Variants in IPO5 observed in about 807,000 individuals in gnomAD.
The protein encoded by IPO5 is importin 5.
Under a neutral mutation model 143.3 loss-of-function variants are expected in IPO5, and 18 were observed. That is an observed-to-expected ratio of 0.13 (90% CI 0.09 to 0.19). The LOEUF (loss-of-function observed/expected upper bound fraction) is 0.19, where lower values mean the gene tolerates loss of function less well. Ranked by LOEUF, IPO5 falls within the 10% of genes least tolerant of loss-of-function variation. The probability of loss-of-function intolerance (pLI) is 1.00; values close to 1 mark genes in which losing one functional copy is unlikely to be tolerated. For missense variants in IPO5, 1,013 were observed against 1,336.9 expected (o/e 0.76, Z 3.78); for synonymous variants, 477 against 465.7 (o/e 1.02, Z -0.31).
Position 97,985,490 on chromosome 13 carries a change from C to T in IPO5, c.241C>T (p.Leu81Phe), listed in dbSNP as rs1887259226. ...TGCATTTGATGAAGTCTATCCAGCA[C>T]TTCCCTCTGATGTTCAGACTGCCAT... ...SSAFDEVYPALPSDVQTAIKS... is the reference protein window; with the variant it reads ...SSAFDEVYPAFPSDVQTAIKS... The change falls in exon 6 of 29, where the codon CTT becomes TTT. Residue 81 changes from leucine to phenylalanine, a missense_variant. Around this residue, in one of 2 missense-constraint regions of IPO5, gnomAD observed 328 missense variants for 342.0 expected, o/e 0.96. Transcript: ENST00000651721. The T allele has an allele frequency of 6.2e-7, 1 of 1,613,968 alleles. No homozygotes were observed. The highest frequency in any genetic ancestry group is 8.5e-7 in the Non-Finnish European group (1 of 1,179,970).
chr13:97,999,862 G>C (rs1888613789), intron 12 of IPO5, among the ~76,000 whole-genome samples: 2 of 152,170 alleles, frequency 1.3e-5, no homozygotes. Context: ...TGATAGGTTT[G>C]AAGACTGTAT....
intron 21 of IPO5, among the ~76,000 whole-genome samples, chr13:98,012,834 T>G (rs1184879557): frequency 4.4e-5 from 6 of 135,814 alleles, no homozygotes; most frequent in Admixed American, 1.6e-4. Flanking sequence ...TTTTAAGAGA[T>G]AAGGTCTGCC....
intron 16 of IPO5, among the ~76,000 whole-genome samples, chr13:98,003,828 CAA>C (rs762803753): frequency 5.7e-4 from 85 of 149,616 alleles, no homozygotes; most frequent in Non-Finnish European, 1.2e-3. Flanking sequence ...ACCTGGGCAA[CAA>C]GAGCAAAATT....
chr13:98,021,041 T>G lies in IPO5; in HGVS notation c.3115T>G (p.Phe1039Val). The G allele has an allele frequency of 1.9e-6, 3 of 1,611,126 alleles. No individual in the cohort carries two copies. The highest frequency in any genetic ancestry group is 2.5e-6 in the Non-Finnish European group (3 of 1,178,856). Residue 1039 changes from phenylalanine (F) to valine (V), a missense_variant, in exon 28 of 29, where the codon TTT becomes GTT. By Grantham distance (50) the Phe-to-Val change is conservative. Transcript: ENST00000651721. ...GPNNTNLPKI[F>V]SIIAEGEMHE... ...AAACAATACCAATCTGCCCAAAATA[T>G]TTAGTATAATTGCGGAAGGAGAAAT...
chr13:98,002,431 T>G (rs1888884845), intron 13 of IPO5, 36 bp from the exon 14 acceptor site: 3 of 1,604,956 alleles, frequency 1.9e-6, no homozygotes, highest in South Asian at 1.1e-5. Context: ...GTTTATAGTG[T>G]GTAATTGCTA....
chr13:98,019,532 C>A, intron 26 of IPO5, 49 bp from the exon 27 acceptor site: 1 of 1,223,982 alleles, frequency 8.2e-7, no homozygotes, highest in Non-Finnish European at 1.2e-6. Context: ...TATTCATTTG[C>A]ATGAAAATGT....
intron 5 of IPO5, among the ~76,000 whole-genome samples, chr13:97,983,440 A>G (rs1171848585): frequency 6.6e-6 from 1 of 151,882 alleles, no homozygotes; most frequent in Admixed American, 6.6e-5. Flanking sequence ...AATTTGTTTT[A>G]ATTTTAAGAA....
At position 98,006,226 on chromosome 13, in the gene IPO5, G is replaced by C. The variant is rs746570558; in HGVS notation, c.1594G>C (p.Asp532His). 1.2e-6 allele frequency: 2 copies of C among 1,613,632 alleles called. No individual in the cohort carries two copies. Among genetic ancestry groups the C allele is most frequent in the East Asian group, 2.2e-5 (1 of 44,868 alleles). The change falls in exon 17 of 29, where the codon GAT becomes CAT. Residue 532 changes from aspartate to histidine, a missense_variant. Asp to His is a moderately conservative substitution (Grantham distance 81, BLOSUM62 -1). Transcript: ENST00000651721. ...AGAAGAAAAATTTGTCCCCTACTAT[G>C]ATTTATTTATGCCATCACTGAAGCA... ...TAEEKFVPYY[D>H]LFMPSLKHIV...
rs768881287 is a variant in IPO5 at position 97,990,522 on chromosome 13, A to G, written c.654A>G (p.Leu218=). ...TGTTCAAACATTTTGCAGACTTGCT[A>G]CCGGGATTCCTACAGGTATGAAAGC... is the stretch of plus-strand genomic sequence containing the variant. ...VALFKHFADL[L]PGFLQAVNDS... Residue 218 remains leucine, a synonymous_variant, in exon 9 of 29, where the codon CTA becomes CTG. Coordinates refer to ENST00000651721, the MANE Select transcript of IPO5 (RefSeq NM_002271.6). The G allele has an allele frequency of 6.3e-7, 1 of 1,585,828 alleles. No individual in the cohort carries two copies. Among genetic ancestry groups the G allele is most frequent in the Non-Finnish European group, 8.6e-7 (1 of 1,166,590 alleles).
At position 98,000,563 on chromosome 13, in the gene IPO5, T is replaced by C. The variant is rs1245198029; in HGVS notation, c.1026T>C (p.Ala342=). Residue 342 remains alanine, a synonymous_variant, in exon 13 of 29, where the codon GCT becomes GCC. Transcript: ENST00000651721. ...FDSNAVAGES[A]LDRMACGLGG... ...GCAATGCAGTTGCAGGCGAGAGTGC[T>C]CTAGATCGAATGGCTTGCGGACTTG... The C allele has an allele frequency of 6.2e-7, 1 of 1,614,014 alleles. No homozygotes were observed. Among genetic ancestry groups the C allele is most frequent in the Non-Finnish European group, 8.5e-7 (1 of 1,179,884 alleles).
chr13:97,998,020 G>C (rs1233970270), intron 12 of IPO5, among the ~76,000 whole-genome samples: 1 of 152,214 alleles, frequency 6.6e-6, no homozygotes, highest in East Asian at 1.9e-4. Context: ...GTGTCGCCCA[G>C]GCTGGAGTGC....
At chr13:98,010,268 T>C (rs200121689) in intron 20 of IPO5, 44 bp downstream of exon 20, 400 of 1,570,124 alleles carry the variant, frequency 2.5e-4, no homozygotes, top group Admixed American at 1.6e-4. Flanking sequence ...TTACATCTTA[T>C]ATACATTTCA....
chr13:97,990,291 T>G, intron 8 of IPO5, 69 bp downstream of exon 8: 1 of 1,218,008 alleles, frequency 8.2e-7, no homozygotes, highest in East Asian at 2.4e-5. Flanking sequence ...ATTAGTATAT[T>G]AGGAGGTTGT....
chr13:97,994,771 A>C (rs1217519476), intron 11 of IPO5, among the ~76,000 whole-genome samples: 1 of 152,198 alleles, frequency 6.6e-6, no homozygotes, highest in Admixed American at 6.5e-5. Context: ...AACAAAGGGT[A>C]GAGTGTAGGA....
chr13:97,977,823 C>T (rs775338648), intron 4 of IPO5, among the ~76,000 whole-genome samples: 43 of 152,148 alleles, frequency 2.8e-4, no homozygotes, highest in Non-Finnish European at 6.0e-4. Flanking sequence ...GTTTTTGCAA[C>T]CATGCGATTG....
rs552695196 is a variant in IPO5 at position 97,991,231 on chromosome 13, A to G, written c.669+694A>G. 1.1e-4 allele frequency among the ~76,000 whole-genome samples: 17 copies of G among 152,228 alleles called. No individual in the cohort carries two copies. The South Asian group carries it at 3.5e-3, about 31-fold the overall frequency. Reference sequence around the variant, plus strand: ...GCATAATTTTTTAGAATATTAATATATGGCCTTAATACAAAAAAGAAATGC... The same window carrying G: ...GCATAATTTTTTAGAATATTAATATGTGGCCTTAATACAAAAAAGAAATGC... On this transcript the variant is annotated intron_variant, in intron 9 of 28. Transcript: ENST00000651721.
intron 4 of IPO5, chr13:97,982,043 A>T (rs1886889942): frequency 6.5e-6 from 1 of 154,694 alleles, no homozygotes; most frequent in Non-Finnish European, 1.4e-5. Flanking sequence ...TGTTTCTCTG[A>T]CTTACTTCCA....
At chr13:97,977,756 G>A (rs1432066479) in intron 4 of IPO5, among the ~76,000 whole-genome samples, 4 of 152,204 alleles carry the variant, frequency 2.6e-5, no homozygotes, top group African/African-American at 9.7e-5. Flanking sequence ...GATACTTCCA[G>A]GGGAGGGAGA....
At chr13:97,983,528 G>A (rs922628189) in intron 5 of IPO5, among the ~76,000 whole-genome samples, 2 of 131,500 alleles carry the variant, frequency 1.5e-5, no homozygotes, top group African/African-American at 2.9e-5. Flanking sequence ...GCATTTTGTA[G>A]CTAATTCCAC....
Sources: gnomAD v4.1 joint callset for allele counts (sites outside exome capture counted in the v4.1 genomes callset) on GRCh38, gnomAD v4.1.1 for gene constraint, gnomAD v4.1.1 regional missense constraint, MANE v1.5 for transcripts, NCBI Gene and HGNC (gene_info 2026-07-23, HGNC 2026-07-21) for gene names.